Variants in ZKSCAN8 observed in about 807,000 individuals in gnomAD.
ZKSCAN8 encodes zinc finger with KRAB and SCAN domains 8, also known as zinc finger protein with KRAB and SCAN domains 8.
A neutral mutation model predicts 57.2 loss-of-function variants in ZKSCAN8; 27 were observed. That is an observed-to-expected ratio of 0.47 (90% CI 0.35 to 0.65). ZKSCAN8 has a LOEUF of 0.65. Ranked by LOEUF, ZKSCAN8 falls within the 30% of genes least tolerant of loss-of-function variation. ZKSCAN8 has a pLI of 0.01. For missense variants in ZKSCAN8, 597 were observed against 696.3 expected (o/e 0.86, Z 1.60); for synonymous variants, 214 against 248.7 (o/e 0.86, Z 1.31).
intron 3 of ZKSCAN8, among the ~76,000 whole-genome samples, chr6:28,150,637 G>C (rs895462157): frequency 1.3e-5 from 2 of 152,098 alleles, no homozygotes; most frequent in African/African-American, 4.8e-5. Flanking sequence ...GACTGACTTA[G>C]TGATTACTAG....
chr6:28,149,347 TC>T, intron 2 of ZKSCAN8, 135 bp from the exon 3 acceptor site: 1 of 1,147,890 alleles, frequency 8.7e-7, no homozygotes, highest in Non-Finnish European at 1.2e-6. Context: ...TTCCTTACTG[TC>T]CCTAAGAAGT....
At chr6:28,149,836 T>A (rs573798275) in intron 3 of ZKSCAN8, among the ~76,000 whole-genome samples, 21 of 151,822 alleles carry the variant, frequency 1.4e-4, no homozygotes, top group Admixed American at 7.2e-4. Context: ...TTTTTTTTTT[T>A]AATTTTTTTT....
In ZKSCAN8 at chr6:28,153,011, GT is replaced by G. The variant is rs1253647009; in HGVS notation, c.776-43del. On this transcript the variant is annotated intron_variant, in intron 5 of 5. Transcript: ENST00000330236. ...TCCTTTCTCCTAGCATAAAGAATAG[GT>G]TGTGACATTGGCTTGATGTTTGTTT... 1.2e-6 allele frequency: 2 copies of G among 1,600,602 alleles called. 1 individual carries two copies. The highest frequency in any genetic ancestry group is 2.3e-5 in the South Asian group (2 of 88,886).
chr6:28,148,282 C>T (rs1765467358), intron 1 of ZKSCAN8, 34 bp from the exon 2 acceptor site: 1 of 1,031,664 alleles, frequency 9.7e-7, no homozygotes, highest in Non-Finnish European at 1.4e-6. Context: ...TGACTTTTGA[C>T]TTGCCTTAAC....
rs953115418 is a variant in ZKSCAN8, at chr6:28,153,087, A to C, written c.807A>C (p.Leu269Phe). Residue 269 changes from leucine (L) to phenylalanine (F), a missense_variant, in exon 6 of 6, where the codon TTA becomes TTC. Coordinates refer to ENST00000330236, the MANE Select transcript of ZKSCAN8 (RefSeq NM_006298.4). ...GGETRSENRE[L>F]ASKQVISTGI... ...AGACCAGGAGTGAGAACAGGGAATT[A>C]GCTTCAAAACAGGTAATATCTACTG... is the stretch of plus-strand genomic sequence containing the variant. 3.1e-6 allele frequency: 5 copies of C among 1,614,172 alleles called. No individual in the cohort carries two copies. Among genetic ancestry groups the C allele is most frequent in the Non-Finnish European group, 8.5e-7 (1 of 1,180,028 alleles).
At chr6:28,152,638 T>A (rs1455136859) in intron 5 of ZKSCAN8, among the ~76,000 whole-genome samples, 6 of 152,158 alleles carry the variant, frequency 3.9e-5, no homozygotes, top group Non-Finnish European at 8.8e-5. Flanking sequence ...GCTCTCTGAG[T>A]TCATATATTT....
At chr6:28,147,463 G>A (rs1353113441) in intron 1 of ZKSCAN8, among the ~76,000 whole-genome samples, 1 of 152,170 alleles carries the variant, frequency 6.6e-6, no homozygotes, top group Non-Finnish European at 1.5e-5. Context: ...TTATGACACA[G>A]CAATTTTACC....
intron 4 of ZKSCAN8, 102 bp downstream of exon 4, chr6:28,152,038 C>A: frequency 7.0e-7 from 1 of 1,425,928 alleles, no homozygotes; most frequent in African/African-American, 1.4e-5. Flanking sequence ...AGTACCTACC[C>A]AAAAAGTTGT....
chr6:28,150,686 C>T (rs1013264910), intron 3 of ZKSCAN8, among the ~76,000 whole-genome samples: 2 of 152,114 alleles, frequency 1.3e-5, no homozygotes, highest in Non-Finnish European at 2.9e-5. Flanking sequence ...TCTGTCATTC[C>T]TTCTACATTT....
In ZKSCAN8 at chr6:28,153,213, G is replaced by A; in HGVS notation, c.933G>A (p.Arg311=). ...EARDLLGRLE[R]QRGNPTQERR... is the part of the protein sequence containing the mutation. ...GAGACCTTCTGGGCAGATTAGAGAG[G>A]CAGCGGGGAAATCCCACACAAGAGA... The change falls in exon 6 of 6, where the codon AGG becomes AGA. Residue 311 remains arginine, a synonymous_variant. Coordinates refer to ENST00000330236, the MANE Select transcript of ZKSCAN8 (RefSeq NM_006298.4). 1 of 1,614,176 alleles carries A rather than the reference G, an allele frequency of 6.2e-7. No individual in the cohort carries two copies. Among genetic ancestry groups the A allele is most frequent in the South Asian group, 1.1e-5 (1 of 91,078 alleles).
At position 28,157,351 on chromosome 6, in the gene ZKSCAN8, G is replaced by A. The variant is rs1765818223; in HGVS notation, c.*3334G>A. The A allele has an allele frequency of 6.6e-6, 1 of 152,182 alleles. No homozygotes were observed. Among genetic ancestry groups the A allele is most frequent in the South Asian group, 2.1e-4 (1 of 4,826 alleles). The allele number at this position is 152,182 out of a possible 1,614,324, so 9.4% of individuals were successfully genotyped here. On this transcript the variant is annotated 3_prime_UTR_variant, in exon 6 of 6. Transcript: ENST00000330236. The stretch of plus-strand genomic sequence containing the variant: ...AATTGTGGGAGCTACAATTCAAGAT[G>A]AGATTTGGATGGGACACAGCCAAAC...
In ZKSCAN8 at chr6:28,148,457, C is replaced by A; in HGVS notation, c.50C>A (p.Thr17Asn). ...KPSAPSPPDQ[T>N]PEEDLVIVKV... ...TCAGCCCCATCCCCACCAGACCAGA[C>A]TCCTGAAGAGGATCTTGTAATCGTC... The change falls in exon 2 of 6, where the codon ACT (threonine) becomes AAT (asparagine). Residue 17 changes from threonine (T) to asparagine (N), a missense_variant. Physicochemically the swap from Thr to Asn is moderately conservative, Grantham distance 65. Coordinates refer to ENST00000330236, the MANE Select transcript of ZKSCAN8 (RefSeq NM_006298.4). 6.2e-7 allele frequency: 1 copy of A among 1,614,194 alleles called. No individual in the cohort carries two copies. The highest frequency in any genetic ancestry group is 8.5e-7 in the Non-Finnish European group (1 of 1,180,028).
rs1765682190 is a variant in ZKSCAN8 at position 28,153,634 on chromosome 6, C to T, written c.1354C>T (p.His452Tyr). 1 of 1,613,836 alleles carries T rather than the reference C, an allele frequency of 6.2e-7. No homozygotes were observed. Among genetic ancestry groups the T allele is most frequent in the African/African-American group, 1.3e-5 (1 of 74,854 alleles). The change falls in exon 6 of 6, where the codon CAT becomes TAT. Residue 452 changes from histidine to tyrosine, a missense_variant. Transcript: ENST00000330236. ...AFSHSSHLIGHQRIHTGEKPY... is the reference protein window; with the variant it reads ...AFSHSSHLIGYQRIHTGEKPY... ...CAGTCATAGCTCACACCTCATTGGA[C>T]ATCAGAGAATCCACACTGGGGAGAA...
At chr6:28,142,713 A>G (rs137922536) in intron 1 of ZKSCAN8, among the ~76,000 whole-genome samples, 12 of 152,222 alleles carry the variant, frequency 7.9e-5, no homozygotes, top group African/African-American at 2.2e-4. Context: ...ACCTTTAAAA[A>G]CATATTTCTG....
At chr6:28,145,012 G>C (rs185598639) in intron 1 of ZKSCAN8, among the ~76,000 whole-genome samples, 5 of 152,032 alleles carry the variant, frequency 3.3e-5, no homozygotes, top group African/African-American at 9.7e-5. Flanking sequence ...AGCCGAGTTC[G>C]CGCCACTGCA....
rs752632960 is a variant in ZKSCAN8 at position 28,153,503 on chromosome 6, G to T, written c.1223G>T (p.Cys408Phe). The T allele has an allele frequency of 1.2e-6, 2 of 1,612,428 alleles. No homozygotes were observed. Among genetic ancestry groups the T allele is most frequent in the Non-Finnish European group, 1.7e-6 (2 of 1,178,500 alleles). ...CACACTGGGGAGAAGCCATATCAGT[G>T]CAATCAGTGTGGGAAGGCTTTCAGT... ...RIHTGEKPYQ[C>F]NQCGKAFSQS... Residue 408 changes from cysteine (C) to phenylalanine (F), a missense_variant, in exon 6 of 6, where the codon TGC becomes TTC. Transcript: ENST00000330236.
intron 5 of ZKSCAN8, 99 bp from the exon 6 acceptor site, chr6:28,152,957 G>T: frequency 6.6e-7 from 1 of 1,511,138 alleles, no homozygotes; most frequent in Non-Finnish European, 8.9e-7. Context: ...AGCTGTTCAT[G>T]TGTACTTTCC....
intron 2 of ZKSCAN8, 75 bp downstream of exon 2, chr6:28,148,899 T>C: frequency 1.3e-6 from 2 of 1,494,904 alleles, no homozygotes; most frequent in East Asian, 4.6e-5. Flanking sequence ...GGCATCACAG[T>C]GGGAGAGCAG....
rs1765747104 is a variant in ZKSCAN8, at chr6:28,155,269, C to G, written c.*1252C>G. ...ACCAACAAAGATGTACTCTTAAACT[C>G]AGTATCACCAGGCACTATATTTCAT... On this transcript the variant is annotated 3_prime_UTR_variant, in exon 6 of 6. Coordinates refer to ENST00000330236, the MANE Select transcript of ZKSCAN8 (RefSeq NM_006298.4). 1 of 152,190 alleles carries G rather than the reference C, an allele frequency of 6.6e-6. No homozygotes were observed. The highest frequency in any genetic ancestry group is 1.5e-5 in the Non-Finnish European group (1 of 68,032). The allele number at this position is 152,190 out of a possible 1,614,324, so 9.4% of individuals were successfully genotyped here.
Sources: allele counts gnomAD v4.1 joint callset (sites outside exome capture counted in the v4.1 genomes callset), GRCh38; gene constraint gnomAD v4.1.1; transcripts MANE v1.5; gene names NCBI Gene and HGNC (gene_info 2026-07-23, HGNC 2026-07-21).